Variants in JAM3 observed in about 807,000 individuals in gnomAD.
JAM3 encodes junctional adhesion molecule C.
A neutral mutation model predicts 39.4 loss-of-function variants in JAM3; 31 were observed. The ratio of observed to expected loss-of-function variants is 0.79; its 90% CI spans 0.59 to 1.06. JAM3 has a LOEUF of 1.06. Among genes scored for constraint, JAM3 ranks in the 50% least tolerant of loss-of-function variants. The pLI is 0.00. For synonymous variants in JAM3, 182 were observed against 148.7 expected (o/e 1.22, Z -1.63); for missense variants, 455 against 391.4 (o/e 1.16, Z -1.37).
chr11:134,101,220 C>T (rs1475797564), intron 1 of JAM3, among the ~76,000 whole-genome samples: 5 of 152,170 alleles, frequency 3.3e-5, no homozygotes, highest in Admixed American at 6.5e-5. Flanking sequence ...ATTGTAATGG[C>T]AAATTAATGT....
rs551634153 is a variant in JAM3, at chr11:134,106,376, C to G, written c.77-33475C>G. The stretch of plus-strand genomic sequence containing the variant: ...ATGGATTAAAGACTTAAATGTTAGA[C>G]CTAAAACCATAAAAACCCTAGAAGA... On this transcript the variant is annotated intron_variant, in intron 1 of 8. Transcript: ENST00000299106. Among the ~76,000 whole-genome samples the G allele has an allele frequency of 9.2e-5, 14 of 152,104 alleles. No homozygotes were observed. The East Asian group carries it at 1.7e-3, about 19-fold the overall frequency.
chr11:134,146,871 G>A (rs1943082474), intron 6 of JAM3, among the ~76,000 whole-genome samples: 1 of 152,166 alleles, frequency 6.6e-6, no homozygotes, highest in African/African-American at 2.4e-5. Context: ...CCAGCCAGGA[G>A]CATTTTTTGA....
intron 1 of JAM3, among the ~76,000 whole-genome samples, chr11:134,117,836 C>T (rs536858459): frequency 1.3e-5 from 2 of 152,302 alleles, no homozygotes; most frequent in South Asian, 4.2e-4. Context: ...CACTCCTGCA[C>T]TGTCTTCAAG....
chr11:134,124,661 A>G (rs1328470427), intron 1 of JAM3, among the ~76,000 whole-genome samples: 1 of 151,318 alleles, frequency 6.6e-6, no homozygotes, highest in Non-Finnish European at 1.5e-5. Context: ...GTCGCTTTCC[A>G]CTTGTTTCCT....
intron 4 of JAM3, 136 bp downstream of exon 4, chr11:134,144,529 G>C: frequency 1.9e-6 from 2 of 1,077,690 alleles, no homozygotes; most frequent in South Asian, 2.6e-5. Flanking sequence ...GTTGAGAGCT[G>C]AGACTGCCTG....
intron 1 of JAM3, among the ~76,000 whole-genome samples, chr11:134,102,870 C>A (rs542246262): frequency 6.6e-6 from 1 of 152,040 alleles, no homozygotes; most frequent in South Asian, 2.1e-4. Context: ...TGTGAAAAGA[C>A]CAAATCTATG....
intron 1 of JAM3, among the ~76,000 whole-genome samples, chr11:134,127,634 A>G (rs1423690224): frequency 6.6e-6 from 1 of 152,246 alleles, no homozygotes; most frequent in East Asian, 1.9e-4. Context: ...CCGGAGGTGG[A>G]GGTTGCAATG....
At chr11:134,107,352 G>A (rs1192162056) in intron 1 of JAM3, among the ~76,000 whole-genome samples, 2 of 152,078 alleles carry the variant, frequency 1.3e-5, no homozygotes, top group African/African-American at 2.4e-5. Flanking sequence ...AGAGGGGGGA[G>A]GGATAGCATT....
In JAM3 at chr11:134,073,052, G is replaced by C. The variant is rs117438086; in HGVS notation, c.76+3893G>C. On this transcript the variant is annotated intron_variant, in intron 1 of 8. Coordinates refer to ENST00000299106, the MANE Select transcript of JAM3 (RefSeq NM_032801.5). ...CTTCACTGGAGTGTAAAGCGATCCC[G>C]AAAGAAAGTTTTGGTAAGCACATTC... Among the ~76,000 whole-genome samples, 460 of 152,316 alleles carry C rather than the reference G, an allele frequency of 3.0e-3. 2 individuals are homozygous for C. The highest frequency in any genetic ancestry group is 5.2e-3 in the Non-Finnish European group (355 of 68,026).
At chr11:134,088,211 C>T (rs1482400785) in intron 1 of JAM3, among the ~76,000 whole-genome samples, 2 of 152,144 alleles carry the variant, frequency 1.3e-5, no homozygotes, top group Admixed American at 1.3e-4. Context: ...TCATTCCATT[C>T]CAAAAGCAGT....
chr11:134,106,591 C>T (rs921438766), intron 1 of JAM3, among the ~76,000 whole-genome samples: 14 of 152,278 alleles, frequency 9.2e-5, no homozygotes, highest in South Asian at 2.1e-4. Flanking sequence ...GCAATCAACT[C>T]ATCTGACAAA....
chr11:134,123,824 C>T (rs887624271), intron 1 of JAM3: 2 of 771,416 alleles, frequency 2.6e-6, no homozygotes, highest in African/African-American at 1.7e-5. Context: ...ACATTTCTTT[C>T]TACTGAACAC....
intron 1 of JAM3, chr11:134,123,939 AT>A: frequency 6.9e-7 from 1 of 1,443,370 alleles, no homozygotes; most frequent in South Asian, 1.1e-5. Context: ...TTTTTGTGTT[AT>A]AAACTGAACT....
At chr11:134,091,418 G>A (rs892974791) in intron 1 of JAM3, among the ~76,000 whole-genome samples, 16 of 152,036 alleles carry the variant, frequency 1.1e-4, no homozygotes, top group African/African-American at 3.9e-4. Context: ...TCGCTTCCCA[G>A]AACCTGGGAG....
At chr11:134,111,376 T>C (rs570172835) in intron 1 of JAM3, among the ~76,000 whole-genome samples, 16 of 152,152 alleles carry the variant, frequency 1.1e-4, no homozygotes, top group African/African-American at 3.6e-4. Context: ...TCTCCTGACC[T>C]CGTGTTCCGC....
At chr11:134,118,619 C>G (rs866133477) in intron 1 of JAM3, among the ~76,000 whole-genome samples, 1 of 152,132 alleles carries the variant, frequency 6.6e-6, no homozygotes, top group African/African-American at 2.4e-5. Context: ...CTGCCTTCAC[C>G]CTGCCTTTAC....
At chr11:134,107,593 A>G (rs1299656937) in intron 1 of JAM3, among the ~76,000 whole-genome samples, 2 of 152,214 alleles carry the variant, frequency 1.3e-5, no homozygotes, top group African/African-American at 4.8e-5. Flanking sequence ...AATCTACAGC[A>G]TGAAAGACCT....
chr11:134,147,459 CAAAAAAAA>C (rs557379286), intron 6 of JAM3, among the ~76,000 whole-genome samples: 1 of 70,874 alleles, frequency 1.4e-5, no homozygotes, highest in African/African-American at 4.9e-5. Context: ...GACTCTGTCT[CAAAAAAAA>C]AAAAAAAAAA....
At chr11:134,085,835 A>G (rs370818994) in intron 1 of JAM3, among the ~76,000 whole-genome samples, 1 of 152,250 alleles carries the variant, frequency 6.6e-6, no homozygotes. Context: ...GTGAGTTTCT[A>G]TTCTTTAGTT....
Sources: gnomAD v4.1 joint callset for allele counts (sites outside exome capture counted in the v4.1 genomes callset) on GRCh38, gnomAD v4.1.1 for gene constraint, MANE v1.5 for transcripts, NCBI Gene and HGNC (gene_info 2026-07-23, HGNC 2026-07-21) for gene names.